PLB1: variants seen among roughly 807,000 people sequenced by gnomAD.
PLB1 encodes phospholipase B1.
A neutral mutation model predicts 227.4 loss-of-function variants in PLB1; 242 were observed. That is an observed-to-expected ratio of 1.06 (90% confidence interval 0.96 to 1.18). PLB1 has a LOEUF of 1.18. PLB1 is among the 50% of genes most tolerant of loss of function. PLB1 has a pLI of 0.00. For missense variants in PLB1, 1,858 were observed against 1,816.3 expected, an observed-to-expected ratio of 1.02 and a Z score of -0.42; for synonymous variants, 757 against 682.2, an observed-to-expected ratio of 1.11 and a Z score of -1.71.
chr2:28,531,712 TCATGAGTATTCCA>T (rs1671034704), intron 8 of PLB1, among the ~76,000 whole-genome samples: 1 of 152,258 alleles, frequency 6.6e-6, no homozygotes, highest in Non-Finnish European at 1.5e-5. Context: ...GTGTTTCATC[TCATGAGTATTCCA>T]CAGTTTACAC....
At chr2:28,565,093 G>A (rs1676657035) in intron 18 of PLB1, among the ~76,000 whole-genome samples, 187 bp from the exon 19 acceptor site, 1 of 152,204 alleles carries the variant, frequency 6.6e-6, no homozygotes, top group African/African-American at 2.4e-5. Flanking sequence ...GGCATTCCCA[G>A]TGGGCACTCT....
intron 44 of PLB1, 78 bp from the exon 45 acceptor site, chr2:28,617,649 G>A: frequency 7.1e-7 from 1 of 1,414,342 alleles, no homozygotes; most frequent in Non-Finnish European, 1.0e-6. Context: ...AAATCCCTTA[G>A]CTGGTTCTTC....
At position 28,592,667 on chromosome 2, in the gene PLB1, C is replaced by T. The variant is rs1317888481; in HGVS notation, c.2195C>T (p.Ala732Val). The T allele has an allele frequency of 6.2e-7, 1 of 1,614,038 alleles. No individual in the cohort carries two copies. Among genetic ancestry groups the T allele is most frequent in the African/African-American group, 1.3e-5 (1 of 74,934 alleles). ...PSALHPTSVH[A>V]LRPADIQVVA... ...TGTCCACTTGTCTTTCCAGTGCATG[C>T]CCTGAGACCTGCAGACATCCAAGTT... Residue 732 changes from alanine to valine, a missense_variant, in exon 32 of 58, where the codon GCC becomes GTC. Ala to Val is a moderately conservative substitution (Grantham distance 64). Transcript: ENST00000327757.
intron 56 of PLB1, among the ~76,000 whole-genome samples, chr2:28,640,100 T>A (rs1365529012): frequency 6.6e-6 from 1 of 152,120 alleles, no homozygotes; most frequent in Non-Finnish European, 1.5e-5. Flanking sequence ...CCAGGTGTGG[T>A]CATGAGCTCA....
At chr2:28,549,882 T>C (rs1177672359) in intron 15 of PLB1, 128 bp from the exon 16 acceptor site, 11 of 664,450 alleles carry the variant, frequency 1.7e-5, no homozygotes, top group Non-Finnish European at 2.9e-5. Flanking sequence ...GAGAATGGTT[T>C]GGTCCTCACT....
chr2:28,589,912 C>T, intron 28 of PLB1, 93 bp from the exon 29 acceptor site: 1 of 1,376,782 alleles, frequency 7.3e-7, no homozygotes, highest in Non-Finnish European at 1.0e-6. Flanking sequence ...TCTCCTTCAT[C>T]CCTCCCTGCC....
intron 21 of PLB1, among the ~76,000 whole-genome samples, chr2:28,575,942 ACCATAATCTTG>A (rs1360652968): frequency 6.6e-6 from 1 of 152,158 alleles, no homozygotes. Context: ...CTTTAATAGT[ACCATAATCTTG>A]CTTTTTCCAA....
At chr2:28,516,566 C>G (rs1668871969) in intron 1 of PLB1, among the ~76,000 whole-genome samples, 1 of 152,172 alleles carries the variant, frequency 6.6e-6, no homozygotes. Context: ...GCTGACCCCT[C>G]CCAGATAACA....
At chr2:28,519,560 C>A in intron 3 of PLB1, 145 bp from the exon 4 acceptor site, 1 of 620,856 alleles carries the variant, frequency 1.6e-6, no homozygotes, top group Non-Finnish European at 2.9e-6. Context: ...TGGTCTTTGG[C>A]ATTCCACTTC....
intron 1 of PLB1, among the ~76,000 whole-genome samples, chr2:28,499,190 A>G (rs938690753): frequency 6.6e-6 from 1 of 152,068 alleles, no homozygotes; most frequent in African/African-American, 2.4e-5. Flanking sequence ...TTAATAATTT[A>G]TATATTCTTT....
At chr2:28,607,583 T>A (rs1461113744) in intron 43 of PLB1, among the ~76,000 whole-genome samples, 1 of 151,986 alleles carries the variant, frequency 6.6e-6, no homozygotes, top group Non-Finnish European at 1.5e-5. Context: ...CTAAGGAGAT[T>A]GTCAGATTCT....
At chr2:28,542,002 G>C (rs1672564096) in intron 13 of PLB1, among the ~76,000 whole-genome samples, 191 bp downstream of exon 13, 1 of 152,056 alleles carries the variant, frequency 6.6e-6, no homozygotes, top group African/African-American at 2.4e-5. Context: ...GCATGATGGT[G>C]GGCGCCTGTA....
intron 17 of PLB1, among the ~76,000 whole-genome samples, chr2:28,557,966 A>G (rs1035220830): frequency 6.6e-6 from 1 of 152,218 alleles, no homozygotes; most frequent in Admixed American, 6.5e-5. Context: ...GGTTTGCTTC[A>G]TCTGGTTTAT....
Position 28,605,050 on chromosome 2 carries a change from G to A in PLB1, c.2961+291G>A, listed in dbSNP as rs1008217588. The stretch of plus-strand genomic sequence containing the variant: ...GGAAATGAGTGTGATCATCCGCATG[G>A]AACACAGGTGCAGAGATGTGAAGCG... On this transcript the variant is annotated intron_variant, in intron 41 of 57. Transcript: ENST00000327757. Among the ~76,000 whole-genome samples the A allele has an allele frequency of 1.1e-3, 163 of 152,214 alleles. 2 individuals are homozygous for A. The highest frequency in any genetic ancestry group is 9.7e-4 in the Non-Finnish European group (66 of 68,034).
intron 1 of PLB1, among the ~76,000 whole-genome samples, chr2:28,515,747 G>A (rs77972507): frequency 0.066 from 9,990 of 152,164 alleles, 463 homozygotes; most frequent in East Asian, 0.16. Context: ...TTCTTGTATC[G>A]CATGCGCTTA....
chr2:28,565,441 G>A (rs1435016126), intron 19 of PLB1, 88 bp downstream of exon 19: 6 of 1,208,704 alleles, frequency 5.0e-6, no homozygotes, highest in Non-Finnish European at 7.0e-6. Flanking sequence ...AACGCCTTAA[G>A]CAGAAGGGTG....
rs576022615 is a variant in PLB1 at position 28,525,912 on chromosome 2, A to G, written c.292A>G (p.Arg98Gly). 5.1e-5 allele frequency: 82 copies of G among 1,614,048 alleles called. No individual in the cohort carries two copies. The South Asian group carries it at 8.7e-4, about 17-fold the overall frequency. ...GDLEKQDWTERPQQVCMGVMT... is the reference protein window; with the variant it reads ...GDLEKQDWTEGPQQVCMGVMT... ...GCCTGCTTCTACCTGCAGGACTGAA[A>G]GGCCACAGCAGGTGTGCATGGGAGT... Residue 98 changes from arginine (R) to glycine (G), a missense_variant, in exon 6 of 58, where the codon AGG becomes GGG. Physicochemically the swap from Arg to Gly is moderately radical, Grantham distance 125. Transcript: ENST00000327757.
At chr2:28,616,196 T>C (rs186806452) in intron 44 of PLB1, among the ~76,000 whole-genome samples, 87 of 152,298 alleles carry the variant, frequency 5.7e-4, no homozygotes, top group Non-Finnish European at 9.7e-4. Flanking sequence ...CAGTTTACCA[T>C]ATATTTTCAA....
chr2:28,611,232 C>A (rs1685416025), intron 43 of PLB1, among the ~76,000 whole-genome samples: 1 of 152,118 alleles, frequency 6.6e-6, no homozygotes, highest in South Asian at 2.1e-4. Flanking sequence ...TGACCTCTAG[C>A]CCTCTAGCTC....
Sources: allele counts gnomAD v4.1 joint callset (sites outside exome capture counted in the v4.1 genomes callset), GRCh38; gene constraint gnomAD v4.1.1; transcripts MANE v1.5; gene names NCBI Gene and HGNC (gene_info 2026-07-23, HGNC 2026-07-21).